GRIA2: variants seen among roughly 807,000 people sequenced by gnomAD.
GRIA2 encodes the protein glutamate receptor 2.
In GRIA2, 14 loss-of-function variants were observed where a neutral mutation model predicts 97.3. That is an observed-to-expected ratio of 0.14 (90% CI 0.10 to 0.23). The LOEUF is 0.23. GRIA2 is among the 10% of genes least tolerant of loss of function. The pLI, the probability that GRIA2 is intolerant of heterozygous loss-of-function variation, is 1.00. For synonymous variants in GRIA2, 412 were observed against 387.8 expected (o/e 1.06, Z -0.73); for missense variants, 558 against 1,069.8 (o/e 0.52, Z 6.67).
At chr4:157,248,813 TAA>T (rs1226254137) in intron 2 of GRIA2, among the ~76,000 whole-genome samples, 2 of 111,404 alleles carry the variant, frequency 1.8e-5, no homozygotes, top group Admixed American at 9.8e-5. Context: ...TATATATATA[TAA>T]ATAAAATAAT....
At chr4:157,248,615 G>GTATATATACGTGTATATATACACCTGTA (rs1730866766) in intron 2 of GRIA2, among the ~76,000 whole-genome samples, 1 of 124,546 alleles carries the variant, frequency 8.0e-6, no homozygotes, top group Non-Finnish European at 1.7e-5. Flanking sequence ...ATATATACAT[G>GTATATATACGTGTATATATACACCTGTA]TATATATACG....
chr4:157,270,261 A>G (rs538034397), intron 2 of GRIA2, among the ~76,000 whole-genome samples: 1 of 151,988 alleles, frequency 6.6e-6, no homozygotes, highest in Non-Finnish European at 1.5e-5. Flanking sequence ...GTTCCGTGTA[A>G]TGACACCTGG....
intron 3 of GRIA2, 28 bp downstream of exon 3, chr4:157,303,819 A>G (rs374064640): frequency 5.0e-6 from 8 of 1,607,942 alleles, no homozygotes; most frequent in Non-Finnish European, 6.0e-6. Context: ...ATCTCTTTGT[A>G]ATGGGGCGAA....
chr4:157,314,823 T>C (rs1220618104), intron 4 of GRIA2, among the ~76,000 whole-genome samples: 1 of 152,150 alleles, frequency 6.6e-6, no homozygotes, highest in Non-Finnish European at 1.5e-5. Flanking sequence ...AATGAGCACA[T>C]GCAATGGATG....
intron 1 of GRIA2, 113 bp from the exon 2 acceptor site, chr4:157,221,554 C>A: frequency 9.4e-7 from 1 of 1,058,666 alleles, no homozygotes; most frequent in Non-Finnish European, 1.4e-6. Flanking sequence ...TGTGTTTATT[C>A]GGCCTATTCG....
intron 12 of GRIA2, among the ~76,000 whole-genome samples, chr4:157,353,712 CA>C (rs1293624318): frequency 6.6e-6 from 1 of 151,558 alleles, no homozygotes; most frequent in Non-Finnish European, 1.5e-5. Flanking sequence ...AACAAAAAAA[CA>C]AAAAAACCTT....
intron 2 of GRIA2, among the ~76,000 whole-genome samples, chr4:157,275,634 C>T (rs1732266133): frequency 6.6e-6 from 1 of 152,050 alleles, no homozygotes; most frequent in African/African-American, 2.4e-5. Flanking sequence ...GAATCCGTTC[C>T]CCATTTCTTG....
chr4:157,288,345 T>C (rs960759344), intron 2 of GRIA2, among the ~76,000 whole-genome samples: 12 of 151,682 alleles, frequency 7.9e-5, no homozygotes, highest in African/African-American at 2.9e-4. Context: ...TCAGATACTC[T>C]ACTTCCTCCA....
intron 11 of GRIA2, among the ~76,000 whole-genome samples, chr4:157,337,334 G>A (rs536487687): frequency 3.4e-4 from 51 of 151,910 alleles, no homozygotes; most frequent in African/African-American, 1.1e-3. Flanking sequence ...TGTCCATATC[G>A]AATGGTAATA....
rs150768373 is a variant in GRIA2, at chr4:157,297,501, A to G, written c.230-6051A>G. Among the ~76,000 whole-genome samples the G allele has an allele frequency of 1.5e-3, 235 of 152,320 alleles. 3 individuals carry two copies. Among genetic ancestry groups the G allele is most frequent in the Non-Finnish European group, 7.2e-4 (49 of 68,032 alleles). ...TTACTTTAATACTTCCCTGTCCCAC[A>G]ATGAGGCAGGTAGGTAATATTTTTA... On this transcript the variant is annotated intron_variant, in intron 2 of 15. Transcript: ENST00000264426.
At chr4:157,244,132 T>C (rs1371071213) in intron 2 of GRIA2, among the ~76,000 whole-genome samples, 1 of 151,840 alleles carries the variant, frequency 6.6e-6, no homozygotes, top group Non-Finnish European at 1.5e-5. Flanking sequence ...GGAAAGAGCA[T>C]CCCTGGTAGA....
At chr4:157,232,462 G>T (rs764830788) in intron 2 of GRIA2, among the ~76,000 whole-genome samples, 7 of 152,248 alleles carry the variant, frequency 4.6e-5, no homozygotes, top group Non-Finnish European at 8.8e-5. Context: ...TTTAATCTGT[G>T]CATGAAATGG....
intron 2 of GRIA2, among the ~76,000 whole-genome samples, chr4:157,227,030 A>T (rs563591674): frequency 6.6e-6 from 1 of 152,196 alleles, no homozygotes; most frequent in African/African-American, 2.4e-5. Context: ...GTGCGTATTA[A>T]GTAGAAATCA....
At chr4:157,332,440 C>T (rs1735093623) in intron 6 of GRIA2, among the ~76,000 whole-genome samples, 1 of 151,214 alleles carries the variant, frequency 6.6e-6, no homozygotes, top group Non-Finnish European at 1.5e-5. Flanking sequence ...TCTCATTGGA[C>T]TGTAAAGAAA....
At chr4:157,268,216 A>G (rs982522859) in intron 2 of GRIA2, among the ~76,000 whole-genome samples, 1 of 152,070 alleles carries the variant, frequency 6.6e-6, no homozygotes, top group Admixed American at 6.6e-5. Flanking sequence ...ATTTGTTTTC[A>G]TAAAATTGTC....
chr4:157,260,305 A>G (rs1369807514), intron 2 of GRIA2, among the ~76,000 whole-genome samples: 5 of 152,136 alleles, frequency 3.3e-5, no homozygotes, highest in Non-Finnish European at 5.9e-5. Flanking sequence ...TACAATAAAA[A>G]TAGACCCCAT....
rs188851033 is a variant in GRIA2 at position 157,256,442 on chromosome 4, A to G, written c.229+34635A>G. Among the ~76,000 whole-genome samples the G allele has an allele frequency of 1.5e-4, 23 of 150,780 alleles. No individual in the cohort carries two copies. The East Asian group carries it at 4.5e-3, about 29-fold the overall frequency. The stretch of plus-strand genomic sequence containing the variant: ...TAGATTCCAATCTTATCCTTACCAC[A>G]CACATAACTTGAATAAGCTCATTAA... On this transcript the variant is annotated intron_variant, in intron 2 of 15. Coordinates refer to ENST00000264426, the MANE Select transcript of GRIA2 (RefSeq NM_001083619.3).
intron 6 of GRIA2, among the ~76,000 whole-genome samples, chr4:157,329,232 C>A (rs971656411): frequency 8.6e-5 from 13 of 151,624 alleles, no homozygotes; most frequent in Non-Finnish European, 1.5e-5. Flanking sequence ...ACTTATCTTT[C>A]CTAGAAATCA....
chr4:157,361,204 G>C lies in GRIA2; in HGVS notation c.2406+80G>C. 1 of 1,064,464 alleles carries C rather than the reference G, an allele frequency of 9.4e-7. No homozygotes were observed. The allele number at this position is 1,064,464 out of a possible 1,614,324, so 65.9% of individuals were successfully genotyped here. A position where few individuals can be genotyped will look rare whatever the true frequency, so the allele number is the denominator to read the frequency against. On this transcript the variant is annotated intron_variant, in intron 14 of 15. Transcript: ENST00000264426. The surrounding 1 kb of genome is among the most constrained non-coding windows in gnomAD (Gnocchi z 5.2). ...CAGCTATGCACAGTGTGGGCACTCC[G>C]TGCCACCAAGTTTCCAACGCTAAGC...
Sources: allele counts gnomAD v4.1 joint callset (sites outside exome capture counted in the v4.1 genomes callset), GRCh38; gene constraint gnomAD v4.1.1; non-coding constraint Gnocchi (gnomAD v3.1); transcripts MANE v1.5; gene names NCBI Gene and HGNC (gene_info 2026-07-23, HGNC 2026-07-21).